Variants in CFAP20DC observed in about 807,000 individuals in gnomAD.
CFAP20DC encodes the protein protein CFAP20DC.
A neutral mutation model predicts 101.7 loss-of-function variants in CFAP20DC; 84 were observed. The ratio of observed to expected loss-of-function variants is 0.83; its 90% CI spans 0.69 to 0.99. CFAP20DC has a LOEUF of 0.99. Ranked by LOEUF, CFAP20DC falls within the 50% of genes least tolerant of loss-of-function variation. The pLI, the probability that CFAP20DC is intolerant of heterozygous loss-of-function variation, is 0.00. For synonymous variants in CFAP20DC, 359 were observed against 351.2 expected (o/e 1.02, Z -0.25); for missense variants, 1,007 against 970.3 (o/e 1.04, Z -0.50).
At chr3:59,032,161 C>T (rs1363266181) in intron 4 of CFAP20DC, among the ~76,000 whole-genome samples, 1 of 152,108 alleles carries the variant, frequency 6.6e-6, no homozygotes, top group African/African-American at 2.4e-5. Flanking sequence ...CAATGCATTC[C>T]AGCCCAGATA....
rs779247306 is a variant in CFAP20DC at position 58,719,995 on chromosome 3, G to C, written c.198-2367C>G. On this transcript the variant is annotated intron_variant, in intron 3 of 3. Coordinates refer to the CFAP20DC transcript ENST00000486145. The stretch of plus-strand genomic sequence containing the variant: ...CCCTGAGCTGCCAATCTGGTTAAAT[G>C]TCTCCTTGGAGGGGCTTTTTCTGAC... Among the ~76,000 whole-genome samples the C allele has an allele frequency of 6.0e-4, 92 of 152,238 alleles. 1 individual carries two copies. Among genetic ancestry groups the C allele is most frequent in the Non-Finnish European group, 9.6e-4 (65 of 68,046 alleles).
chr3:59,048,927 G>C (rs551314783), intron 1 of CFAP20DC, among the ~76,000 whole-genome samples: 1 of 152,254 alleles, frequency 6.6e-6, no homozygotes, highest in African/African-American at 2.4e-5. Flanking sequence ...GACTGAGGAC[G>C]ACCCAGAAGC....
chr3:58,983,543 T>C (rs946121377), intron 4 of CFAP20DC, among the ~76,000 whole-genome samples: 7 of 152,180 alleles, frequency 4.6e-5, no homozygotes, highest in Non-Finnish European at 1.0e-4. Context: ...AACACTCTAA[T>C]GGGAAAGCAT....
intron 15 of CFAP20DC, among the ~76,000 whole-genome samples, chr3:58,790,150 G>A (rs76256405): frequency 0.021 from 3,173 of 152,196 alleles, 121 homozygotes; most frequent in African/African-American, 0.071. Flanking sequence ...GGGTCAAGAG[G>A]TAAAAGCGTC....
rs1481459359 is a variant in CFAP20DC, at chr3:59,015,080, T to G, written c.278+24477A>C. On this transcript the variant is annotated intron_variant, in intron 4 of 16. Transcript: ENST00000482387. The surrounding 1 kb of genome is among the most constrained non-coding windows in gnomAD (Gnocchi z 5.4). Reference sequence around the variant, plus strand: ...TAGGATGTGGATGGAGTAGTGACAATGAAGGGACTAAGGGCTGAAGAGCCT... The same window carrying G: ...TAGGATGTGGATGGAGTAGTGACAAGGAAGGGACTAAGGGCTGAAGAGCCT... Among the ~76,000 whole-genome samples, 1 of 151,984 alleles carries G rather than the reference T, an allele frequency of 6.6e-6. No individual in the cohort carries two copies. The highest frequency in any genetic ancestry group is 1.5e-5 in the Non-Finnish European group (1 of 67,982).
At chr3:59,032,961 T>C (rs777703553) in intron 4 of CFAP20DC, among the ~76,000 whole-genome samples, 1 of 152,058 alleles carries the variant, frequency 6.6e-6, no homozygotes, top group Admixed American at 6.5e-5. Flanking sequence ...CCAGCTGGCA[T>C]CTGGCAGGTG....
At chr3:58,841,931 C>G (rs934623623) in intron 13 of CFAP20DC, among the ~76,000 whole-genome samples, 1 of 152,162 alleles carries the variant, frequency 6.6e-6, no homozygotes, top group Non-Finnish European at 1.5e-5. Flanking sequence ...ATGATTCGTT[C>G]AAAATTGCTT....
chr3:58,740,055 T>C (rs2067846805), downstream of CFAP20DC, among the ~76,000 whole-genome samples: 1 of 152,172 alleles, frequency 6.6e-6, no homozygotes, highest in Non-Finnish European at 1.5e-5. This position sits in a 1 kb window ranked among gnomAD's most constrained non-coding sequence, Gnocchi z 4.6. Context: ...TCTGGGATTT[T>C]TGAATTGACA....
intron 4 of CFAP20DC, among the ~76,000 whole-genome samples, chr3:59,028,011 G>A (rs2093923151): frequency 6.6e-6 from 1 of 152,184 alleles, no homozygotes; most frequent in Non-Finnish European, 1.5e-5. Context: ...AAGCAAGTAG[G>A]TCTTTTGTGG....
At chr3:59,035,295 G>T (rs1318124328) in intron 4 of CFAP20DC, among the ~76,000 whole-genome samples, 3 of 152,072 alleles carry the variant, frequency 2.0e-5, no homozygotes, top group Admixed American at 6.6e-5. Context: ...AGAGAAGCAA[G>T]AGCAAACAAA....
At chr3:58,812,307 A>C (rs536741416) in intron 14 of CFAP20DC, among the ~76,000 whole-genome samples, 23 of 152,264 alleles carry the variant, frequency 1.5e-4, no homozygotes, top group African/African-American at 5.5e-4. Context: ...AACCAACCCA[A>C]ATGTCCAACA....
At chr3:58,823,882 A>G (rs980740106) in intron 14 of CFAP20DC, among the ~76,000 whole-genome samples, 2 of 152,192 alleles carry the variant, frequency 1.3e-5, no homozygotes, top group African/African-American at 4.8e-5. Flanking sequence ...CTATGTATTT[A>G]CAATTTAAAA....
intron 14 of CFAP20DC, among the ~76,000 whole-genome samples, chr3:58,808,317 AG>A (rs1414686143): frequency 6.6e-6 from 1 of 152,228 alleles, no homozygotes; most frequent in Non-Finnish European, 1.5e-5. Context: ...CCAGAGAGAA[AG>A]GTCGGGGTAC....
chr3:58,722,662 T>C lies in CFAP20DC; in HGVS notation c.198-5034A>G, dbSNP rs934530846. 6.6e-6 allele frequency among the ~76,000 whole-genome samples: 1 copy of C among 152,192 alleles called. No individual in the cohort carries two copies. Among genetic ancestry groups the C allele is most frequent in the Non-Finnish European group, 1.5e-5 (1 of 68,014 alleles). On this transcript the variant is annotated intron_variant, in intron 3 of 3. Transcript: ENST00000486145. This position sits in a 1 kb window ranked among gnomAD's most constrained non-coding sequence, Gnocchi z 4.5. The stretch of plus-strand genomic sequence containing the variant: ...CAGTTCTCGTTTGCCTTTTCCCAGA[T>C]GTGAAAGTTACACACTGACTGTGAT...
intron 13 of CFAP20DC, among the ~76,000 whole-genome samples, chr3:58,833,465 CAT>C (rs781456765): frequency 4.6e-5 from 7 of 152,114 alleles, no homozygotes; most frequent in Non-Finnish European, 1.0e-4. Context: ...ACAATAAACA[CAT>C]ACAAAGATGT....
At position 58,728,878 on chromosome 3, in the gene CFAP20DC, C is replaced by T. The variant is rs576564411; in HGVS notation, c.198-11250G>A. ...TGTGTAAATTTGGTGCAGTCTCTACCGCATTGACTCAGAGCTGGTCTGTGT... is the reference window on the plus strand; with the variant it reads ...TGTGTAAATTTGGTGCAGTCTCTACTGCATTGACTCAGAGCTGGTCTGTGT... On this transcript the variant is annotated intron_variant, in intron 3 of 3. Coordinates refer to the CFAP20DC transcript ENST00000486145. The surrounding 1 kb of genome is among the most constrained non-coding windows in gnomAD (Gnocchi z 4.7). 2.0e-5 allele frequency among the ~76,000 whole-genome samples: 3 copies of T among 152,188 alleles called. No homozygotes were observed. The highest frequency in any genetic ancestry group is 6.5e-5 in the Admixed American group (1 of 15,290).
At position 58,824,389 on chromosome 3, in the gene CFAP20DC, C is replaced by T. The variant is rs190245241; in HGVS notation, c.2175+7297G>A. ...AACAGATCCCAGAAACTCAGGACCTCGGCCTTTTGGTGGCGCTGTTGCTAT... is the reference window on the plus strand; with the variant it reads ...AACAGATCCCAGAAACTCAGGACCTTGGCCTTTTGGTGGCGCTGTTGCTAT... On this transcript the variant is annotated intron_variant, in intron 14 of 16. Coordinates refer to ENST00000482387, the MANE Select transcript of CFAP20DC (RefSeq NM_001394063.1). 4 of 152,226 alleles carry T rather than the reference C, an allele frequency of 2.6e-5. No homozygotes were observed. In the East Asian group the frequency reaches 5.8e-4, roughly 22 times the overall value. The allele number at this position is 152,226 out of a possible 1,614,324, so 9.4% of individuals were successfully genotyped here.
At position 59,049,743 on chromosome 3, in the gene CFAP20DC, G is replaced by T; in HGVS notation, c.-112C>A. The T allele has an allele frequency of 7.5e-7, 1 of 1,333,812 alleles. No homozygotes were observed. The highest frequency in any genetic ancestry group is 1.0e-6 in the Non-Finnish European group (1 of 982,584). 82.6% of individuals were successfully genotyped at this position (1,333,812 alleles called of 1,614,324 possible). ...GGGAACCCAGGAGCCCGACGGGTGG[G>T]AAAGGGCTTCGTGCTTGGCCCAGAC... is the stretch of plus-strand genomic sequence containing the variant. On this transcript the variant is annotated 5_prime_UTR_variant, in exon 1 of 17. Coordinates refer to ENST00000482387, the MANE Select transcript of CFAP20DC (RefSeq NM_001394063.1).
chr3:58,993,857 T>C (rs1229929023), intron 4 of CFAP20DC, among the ~76,000 whole-genome samples: 1 of 152,214 alleles, frequency 6.6e-6, no homozygotes, highest in Non-Finnish European at 1.5e-5. Flanking sequence ...GCTGATTCCA[T>C]GTCTTTGTTA....
Sources: allele counts gnomAD v4.1 joint callset (sites outside exome capture counted in the v4.1 genomes callset), GRCh38; gene constraint gnomAD v4.1.1; non-coding constraint Gnocchi (gnomAD v3.1); transcripts MANE v1.5; gene names NCBI Gene and HGNC (gene_info 2026-07-23, HGNC 2026-07-21).